The following TACC2 variants were observed in gnomAD, a reference collection of about 807,000 sequenced individuals.
TACC2 encodes transforming acidic coiled-coil containing protein 2, also known as transforming acidic coiled-coil-containing protein 2.
A neutral mutation model predicts 227.3 loss-of-function variants in TACC2; 137 were observed. The ratio of observed to expected loss-of-function variants is 0.60; its 90% CI spans 0.52 to 0.69. The LOEUF (loss-of-function observed/expected upper bound fraction) is 0.69. TACC2 is among the 30% of genes least tolerant of loss of function. The pLI, the probability that TACC2 is intolerant of heterozygous loss-of-function variation, is 0.00. For missense variants in TACC2, 3,470 were observed against 3,694.4 expected, an observed-to-expected ratio of 0.94 and a Z score of 1.57; for synonymous variants, 1,523 against 1,487.5, an observed-to-expected ratio of 1.02 and a Z score of -0.55.
intron 5 of TACC2, among the ~76,000 whole-genome samples, chr10:122,097,729 G>A (rs184219577): frequency 1.3e-5 from 2 of 152,100 alleles, no homozygotes; most frequent in Admixed American, 6.5e-5. Flanking sequence ...AGGTAAATGG[G>A]GCTGACAATG....
chr10:122,247,487 C>G (rs2096151226), intron 19 of TACC2: 1 of 152,188 alleles, frequency 6.6e-6, no homozygotes, highest in Non-Finnish European at 1.5e-5. Flanking sequence ...TGGATCCGCA[C>G]AGAGGACAGA....
intron 7 of TACC2, among the ~76,000 whole-genome samples, chr10:122,171,751 G>A (rs763452408): frequency 5.3e-5 from 8 of 152,192 alleles, no homozygotes; most frequent in Non-Finnish European, 1.0e-4. Context: ...CTCTTCCCAC[G>A]TGGTGAAACA....
intron 22 of TACC2, among the ~76,000 whole-genome samples, chr10:122,251,105 CG>C (rs1481090571): frequency 3.3e-5 from 5 of 151,128 alleles, no homozygotes; most frequent in Non-Finnish European, 7.4e-5. Context: ...TTTTTGTTTT[CG>C]TAGAGATGGG....
chr10:122,217,436 TC>T (rs2095430523), intron 11 of TACC2, among the ~76,000 whole-genome samples: 2 of 139,166 alleles, frequency 1.4e-5, no homozygotes, highest in African/African-American at 5.1e-5. Context: ...CTTTCTTTTT[TC>T]TTTTTTTTTT....
intron 7 of TACC2, among the ~76,000 whole-genome samples, chr10:122,162,050 C>A (rs1195810577): frequency 1.3e-5 from 2 of 152,188 alleles, no homozygotes; most frequent in African/African-American, 4.8e-5. Flanking sequence ...CCAGAGCACA[C>A]CTCGTCACAC....
chr10:122,219,763 C>T (rs955083622), intron 11 of TACC2, among the ~76,000 whole-genome samples: 6 of 152,060 alleles, frequency 3.9e-5, no homozygotes, highest in Non-Finnish European at 5.9e-5. Flanking sequence ...TGGGGCCGGG[C>T]GTGGTGGCTC....
chr10:122,191,872 G>GT (rs539030915), intron 7 of TACC2, among the ~76,000 whole-genome samples: 1 of 152,156 alleles, frequency 6.6e-6, no homozygotes, highest in South Asian at 2.1e-4. Context: ...TGTACTTTGG[G>GT]TTTTTTCTAG....
intron 5 of TACC2, among the ~76,000 whole-genome samples, chr10:122,100,566 G>C (rs1331811005): frequency 6.6e-6 from 1 of 151,822 alleles, no homozygotes; most frequent in Admixed American, 6.6e-5. Flanking sequence ...TGGGATTACA[G>C]GCACGCACCA....
chr10:122,132,161 C>T (rs1385128767), intron 5 of TACC2, among the ~76,000 whole-genome samples: 1 of 152,224 alleles, frequency 6.6e-6, no homozygotes. Context: ...ACAGACCCTG[C>T]TTTGAGCAGC....
At chr10:122,046,535 T>C (rs2075028408) in intron 2 of TACC2, among the ~76,000 whole-genome samples, 1 of 151,938 alleles carries the variant, frequency 6.6e-6, no homozygotes. Flanking sequence ...GAAGTGGAGC[T>C]GAAAAGGGAG....
intron 5 of TACC2, among the ~76,000 whole-genome samples, chr10:122,106,486 C>G (rs1332402169): frequency 1.3e-5 from 2 of 152,180 alleles, no homozygotes; most frequent in Non-Finnish European, 2.9e-5. Context: ...CTTTCCACTT[C>G]TCAGCAAAAG....
chr10:122,105,441 G>A (rs773352477), intron 5 of TACC2, among the ~76,000 whole-genome samples: 6 of 152,202 alleles, frequency 3.9e-5, no homozygotes, highest in Non-Finnish European at 7.4e-5. Context: ...TGAGCCATTC[G>A]ATGGAATGGA....
At chr10:122,005,986 C>T (rs1374584486) in intron 1 of TACC2, among the ~76,000 whole-genome samples, 1 of 152,152 alleles carries the variant, frequency 6.6e-6, no homozygotes, top group Non-Finnish European at 1.5e-5. Context: ...TAAGCTACCA[C>T]ACCTGGCCTA....
chr10:122,158,934 G>T (rs999675965), intron 7 of TACC2, among the ~76,000 whole-genome samples: 34 of 152,156 alleles, frequency 2.2e-4, no homozygotes, highest in African/African-American at 8.2e-4. Flanking sequence ...TGGGGCTCTG[G>T]CTGTGCTTGG....
At chr10:122,134,061 C>T (rs531021398) in intron 6 of TACC2, among the ~76,000 whole-genome samples, 12 of 152,026 alleles carry the variant, frequency 7.9e-5, no homozygotes, top group Non-Finnish European at 1.6e-4. Context: ...AAGCAGAGGA[C>T]GGGATAGATA....
At chr10:122,159,062 A>C (rs2092665398) in intron 7 of TACC2, among the ~76,000 whole-genome samples, 1 of 152,140 alleles carries the variant, frequency 6.6e-6, no homozygotes, top group South Asian at 2.1e-4. Context: ...GGGAAGAAAG[A>C]AGTCTGGGGG....
chr10:122,251,663 A>T (rs1180641697), intron 22 of TACC2, among the ~76,000 whole-genome samples: 1 of 152,218 alleles, frequency 6.6e-6, no homozygotes, highest in Non-Finnish European at 1.5e-5. Flanking sequence ...TTGTGCCTGT[A>T]AGTAGCCAGC....
intron 5 of TACC2, among the ~76,000 whole-genome samples, chr10:122,092,037 GC>G (rs1346373318): frequency 6.6e-6 from 1 of 152,228 alleles, no homozygotes; most frequent in African/African-American, 2.4e-5. Context: ...CCATTCTGGT[GC>G]CCAGTGGGTG....
At chr10:122,079,966 T>C (rs73370116) in intron 3 of TACC2, among the ~76,000 whole-genome samples, 1,526 of 152,298 alleles carry the variant, frequency 0.01, 20 homozygotes, top group African/African-American at 0.036. Context: ...GATGGGACAG[T>C]AAATACCCAC....
Sources: gnomAD v4.1 joint callset for allele counts (sites outside exome capture counted in the v4.1 genomes callset) on GRCh38, gnomAD v4.1.1 for gene constraint, MANE v1.5 for transcripts, NCBI Gene and HGNC (gene_info 2026-07-23, HGNC 2026-07-21) for gene names.